Variants in GARNL3 observed in about 807,000 individuals in gnomAD.
GARNL3 encodes GTPase-activating Rap/Ran-GAP domain-like protein 3.
A neutral mutation model predicts 125.0 loss-of-function variants in GARNL3; 63 were observed. The observed-to-expected ratio is 0.50, with a 90% confidence interval of 0.41 to 0.62. The LOEUF is 0.62. GARNL3 is among the 20% of genes least tolerant of loss of function. The pLI, the probability that GARNL3 is intolerant of heterozygous loss-of-function variation, is 0.00. For missense variants in GARNL3, 994 were observed against 1,244.0 expected (o/e 0.80, Z 3.02); for synonymous variants, 439 against 457.5 (o/e 0.96, Z 0.52).
intron 1 of GARNL3, among the ~76,000 whole-genome samples, chr9:127,227,642 G>A (rs1294300676): frequency 1.3e-5 from 2 of 151,748 alleles, no homozygotes; most frequent in Non-Finnish European, 2.9e-5. Context: ...TTTGTGGCTG[G>A]GCATCGCGGC....
At position 127,311,073 on chromosome 9, in the gene GARNL3, C is replaced by T. The variant is rs1039671961; in HGVS notation, c.220-563C>T. The stretch of plus-strand genomic sequence containing the variant: ...CAAAAATTGGAAGCAGCCTAATTGT[C>T]CAGTATTATTAGTTGTATCTATATA... On this transcript the variant is annotated intron_variant, in intron 2 of 27. Transcript: ENST00000373387. Among the ~76,000 whole-genome samples the T allele has an allele frequency of 8.6e-5, 13 of 152,038 alleles. No individual in the cohort carries two copies. The East Asian group carries it at 2.3e-3, about 27-fold the overall frequency.
intron 6 of GARNL3, among the ~76,000 whole-genome samples, chr9:127,324,514 C>T (rs963747319): frequency 6.6e-6 from 1 of 152,184 alleles, no homozygotes; most frequent in Non-Finnish European, 1.5e-5. Context: ...CTTCCCACTC[C>T]GTTCAGCCAC....
intron 6 of GARNL3, among the ~76,000 whole-genome samples, chr9:127,323,709 G>A (rs1185028243): frequency 6.6e-6 from 1 of 151,376 alleles, no homozygotes; most frequent in Non-Finnish European, 1.5e-5. Context: ...CTTAACTGGG[G>A]ATCCAATTCC....
intron 5 of GARNL3, among the ~76,000 whole-genome samples, chr9:127,319,943 G>C (rs1315811332): frequency 6.6e-6 from 1 of 152,168 alleles, no homozygotes; most frequent in Non-Finnish European, 1.5e-5. Flanking sequence ...ACATTCTACA[G>C]TTGCTGCCAG....
chr9:127,226,533 C>A (rs1564832245), intron 1 of GARNL3, among the ~76,000 whole-genome samples: 1 of 152,188 alleles, frequency 6.6e-6, no homozygotes. Context: ...GTGTCTGACC[C>A]GCTGGTGCTT....
Position 127,392,981 on chromosome 9 carries a change from G to A in GARNL3, c.2871-102G>A, listed in dbSNP as rs1588994656. On this transcript the variant is annotated intron_variant, in intron 27 of 27. Coordinates refer to ENST00000373387, the MANE Select transcript of GARNL3 (RefSeq NM_032293.5). This position sits in a 1 kb window ranked among gnomAD's most constrained non-coding sequence, Gnocchi z 5.2. ...CCACATAACAGTGAGGGTTTGGTGA[G>A]CCAAACTCATGAGCTCAGATGAGCA... The A allele has an allele frequency of 4.1e-6, 4 of 968,416 alleles. No individual in the cohort carries two copies. The South Asian group carries it at 5.3e-5, about 13-fold the overall frequency. The allele number at this position is 968,416 out of a possible 1,614,324, so 60.0% of individuals were successfully genotyped here. A position where few individuals can be genotyped will look rare whatever the true frequency, so the allele number is the denominator to read the frequency against.
chr9:127,226,740 G>C (rs2062920637), intron 1 of GARNL3, among the ~76,000 whole-genome samples: 1 of 152,214 alleles, frequency 6.6e-6, no homozygotes, highest in Non-Finnish European at 1.5e-5. Flanking sequence ...AACACTGCGT[G>C]TAGTTACCCA....
chr9:127,387,032 C>A, intron 24 of GARNL3, 161 bp from the exon 25 acceptor site: 1 of 626,964 alleles, frequency 1.6e-6, no homozygotes, highest in Non-Finnish European at 2.6e-6. Context: ...CTGGGCTTTC[C>A]TCCAGAAGGC....
At chr9:127,225,386 C>T (rs1293649333) in intron 1 of GARNL3, 2 of 984,038 alleles carry the variant, frequency 2.0e-6, no homozygotes, top group African/African-American at 1.8e-5. Flanking sequence ...GCAGGGGGTG[C>T]AGCTTCGAGA....
intron 20 of GARNL3, among the ~76,000 whole-genome samples, chr9:127,356,243 A>G (rs1339289038): frequency 6.6e-6 from 1 of 152,244 alleles, no homozygotes; most frequent in Non-Finnish European, 1.5e-5. Context: ...CCACGAGACC[A>G]GTGCAGCATC....
intron 22 of GARNL3, among the ~76,000 whole-genome samples, chr9:127,366,233 G>T (rs1020011461): frequency 6.6e-6 from 1 of 152,170 alleles, no homozygotes; most frequent in Non-Finnish European, 1.5e-5. Flanking sequence ...AGAAGAGAAG[G>T]TTGTTTTATA....
At chr9:127,328,629 T>A (rs1025736810) in intron 7 of GARNL3, among the ~76,000 whole-genome samples, 1 of 152,160 alleles carries the variant, frequency 6.6e-6, no homozygotes, top group Non-Finnish European at 1.5e-5. Flanking sequence ...ATGGAGGTGT[T>A]GCCTAAACAA....
chr9:127,330,923 C>G (rs1051999873), intron 7 of GARNL3, among the ~76,000 whole-genome samples: 2 of 152,122 alleles, frequency 1.3e-5, no homozygotes, highest in African/African-American at 4.8e-5. Context: ...AGCCTTAGAA[C>G]TTGGATTTTC....
chr9:127,321,384 C>G (rs1456960630), intron 6 of GARNL3, among the ~76,000 whole-genome samples: 1 of 152,222 alleles, frequency 6.6e-6, no homozygotes, highest in African/African-American at 2.4e-5. Context: ...CCCAAAGGTG[C>G]TGAGATTACA....
chr9:127,332,255 C>A lies in GARNL3; in HGVS notation c.595-19C>A. 1 of 1,595,640 alleles carries A rather than the reference C, an allele frequency of 6.3e-7. No individual in the cohort carries two copies. Among genetic ancestry groups the A allele is most frequent in the Non-Finnish European group, 8.6e-7 (1 of 1,163,462 alleles). On this transcript the variant is annotated intron_variant, in intron 7 of 27. Transcript: ENST00000373387. ...GTGATGATAAAATTAACTGTAACAC[C>A]TTTTGTTATTATCCTAAGGGCTCTG... is the stretch of plus-strand genomic sequence containing the variant.
chr9:127,267,573 T>G (rs2063731077), intron 1 of GARNL3, among the ~76,000 whole-genome samples: 1 of 152,180 alleles, frequency 6.6e-6, no homozygotes, highest in Non-Finnish European at 1.5e-5. Context: ...GTATTAAAAA[T>G]GACATGTGTG....
chr9:127,365,401 TA>T, intron 22 of GARNL3, 35 bp downstream of exon 22: 1 of 1,496,866 alleles, frequency 6.7e-7, no homozygotes, highest in Admixed American at 1.7e-5. Flanking sequence ...TTTATTTGCT[TA>T]AATGGACTGC....
chr9:127,233,784 C>T (rs2063062898), intron 1 of GARNL3, among the ~76,000 whole-genome samples: 1 of 152,166 alleles, frequency 6.6e-6, no homozygotes, highest in Non-Finnish European at 1.5e-5. Flanking sequence ...CTTTCTTGTT[C>T]CTGAATGTTG....
intron 22 of GARNL3, among the ~76,000 whole-genome samples, chr9:127,380,200 A>G (rs368494874): frequency 8.3e-4 from 117 of 141,746 alleles, no homozygotes; most frequent in East Asian, 4.6e-3. Context: ...CTCAAAAAAT[A>G]TGTGTGTGTG....
Sources: allele counts gnomAD v4.1 joint callset (sites outside exome capture counted in the v4.1 genomes callset), GRCh38; gene constraint gnomAD v4.1.1; non-coding constraint Gnocchi (gnomAD v3.1); transcripts MANE v1.5; gene names NCBI Gene and HGNC (gene_info 2026-07-23, HGNC 2026-07-21).